Variants in PCDH15 observed in about 807,000 individuals in gnomAD.
The protein encoded by PCDH15 is protocadherin-15.
Under a neutral mutation model 178.5 loss-of-function variants are expected in PCDH15, and 129 were observed. That is an observed-to-expected ratio of 0.72 (90% CI 0.63 to 0.84). The LOEUF (loss-of-function observed/expected upper bound fraction) is 0.84. Ranked by LOEUF, PCDH15 falls within the 40% of genes least tolerant of loss-of-function variation. The pLI is 0.00. For synonymous variants in PCDH15, 800 were observed against 732.0 expected, an observed-to-expected ratio of 1.09 and a Z score of -1.50; for missense variants, 2,230 against 2,099.9, an observed-to-expected ratio of 1.06 and a Z score of -1.21.
chr10:54,011,476 C>T (rs2092584167), intron 20 of PCDH15, among the ~76,000 whole-genome samples: 1 of 152,186 alleles, frequency 6.6e-6, no homozygotes, highest in East Asian at 1.9e-4. Flanking sequence ...AAAGCCTGAG[C>T]TTGCCCCAGA....
intron 3 of PCDH15, among the ~76,000 whole-genome samples, chr10:54,403,800 T>G (rs73251636): frequency 0.026 from 3,982 of 151,494 alleles, 168 homozygotes; most frequent in African/African-American, 0.089. Flanking sequence ...ACCAATAACA[T>G]TCAAGGATCC....
chr10:53,885,472 A>C (rs566603197), intron 26 of PCDH15, among the ~76,000 whole-genome samples: 1 of 152,216 alleles, frequency 6.6e-6, no homozygotes, highest in East Asian at 1.9e-4. Flanking sequence ...AGACTGTTTG[A>C]AGTGTTTCCA....
chr10:54,508,615 A>ATGGCAC (rs2081369012), intron 3 of PCDH15, among the ~76,000 whole-genome samples: 2 of 152,286 alleles, frequency 1.3e-5, no homozygotes, highest in South Asian at 4.1e-4. Flanking sequence ...TTCATTGAAT[A>ATGGCAC]TGGCACTGAA....
At chr10:55,348,807 A>G (rs1588941553) in intron 2 of PCDH15, among the ~76,000 whole-genome samples, 1 of 152,150 alleles carries the variant, frequency 6.6e-6, no homozygotes, top group Admixed American at 6.6e-5. Flanking sequence ...AAAGAATGGT[A>G]TCAAGGGCCA....
intron 3 of PCDH15, among the ~76,000 whole-genome samples, chr10:54,834,360 G>A (rs1953276938): frequency 1.3e-5 from 2 of 151,804 alleles, no homozygotes; most frequent in South Asian, 4.2e-4. Context: ...TGTATTTTTA[G>A]TAGAGACGGG....
chr10:53,886,439 C>T (rs1157927560), intron 26 of PCDH15, among the ~76,000 whole-genome samples: 5 of 152,002 alleles, frequency 3.3e-5, no homozygotes, highest in African/African-American at 7.3e-5. Flanking sequence ...ATTCATTAAC[C>T]TTTCTTTCAC....
chr10:55,552,675 C>G (rs1842023517), intron 2 of PCDH15, among the ~76,000 whole-genome samples: 2 of 151,082 alleles, frequency 1.3e-5, no homozygotes, highest in African/African-American at 2.4e-5. Flanking sequence ...TGAATGCATT[C>G]TTTTAAATTT....
chr10:53,974,350 G>A (rs1267677936), intron 21 of PCDH15, among the ~76,000 whole-genome samples: 2 of 151,916 alleles, frequency 1.3e-5, no homozygotes, highest in African/African-American at 4.8e-5. Context: ...ATCTCTAGGG[G>A]CTTTTTGTTT....
chr10:54,572,002 T>G (rs1003667790), intron 2 of PCDH15, among the ~76,000 whole-genome samples: 4 of 152,046 alleles, frequency 2.6e-5, no homozygotes, highest in African/African-American at 9.7e-5. Context: ...AAAACCATAT[T>G]TGGGGATTTG....
intron 1 of PCDH15, among the ~76,000 whole-genome samples, chr10:55,255,465 C>T (rs182857585): frequency 1.3e-4 from 20 of 152,276 alleles, no homozygotes; most frequent in African/African-American, 4.8e-4. Flanking sequence ...TGGGTATATA[C>T]CCCGTAATGG....
At chr10:54,633,679 C>T (rs944527817) in intron 2 of PCDH15, among the ~76,000 whole-genome samples, 9 of 152,062 alleles carry the variant, frequency 5.9e-5, no homozygotes, top group Non-Finnish European at 1.2e-4. Context: ...GTCCTCCCCA[C>T]ACAAACACTG....
intron 2 of PCDH15, among the ~76,000 whole-genome samples, chr10:55,566,562 A>C (rs554761136): frequency 6.6e-6 from 1 of 151,888 alleles, no homozygotes; most frequent in African/African-American, 2.4e-5. Flanking sequence ...TTTATAGAAA[A>C]CGCTGAAAAT....
At chr10:54,851,903 A>T (rs981453992) in intron 3 of PCDH15, among the ~76,000 whole-genome samples, 4 of 152,168 alleles carry the variant, frequency 2.6e-5, no homozygotes, top group African/African-American at 9.7e-5. Flanking sequence ...AATTTTGGTA[A>T]TAAAAATAAA....
At chr10:55,429,011 C>CAATTA (rs1838822254) in intron 2 of PCDH15, among the ~76,000 whole-genome samples, 5 of 152,028 alleles carry the variant, frequency 3.3e-5, no homozygotes, top group Non-Finnish European at 7.4e-5. Flanking sequence ...ATTTTCTCCT[C>CAATTA]TCCAGGCTTT....
rs199891803 is a variant in PCDH15 at position 55,028,779 on chromosome 10, T to A, written c.-79-131279A>T. 9.2e-5 allele frequency among the ~76,000 whole-genome samples: 14 copies of A among 152,158 alleles called. No homozygotes were observed. The East Asian group carries it at 2.7e-3, about 29-fold the overall frequency. On this transcript the variant is annotated intron_variant, in intron 2 of 5. Coordinates refer to the PCDH15 transcript ENST00000458638. ...TTTTCAGCCTGTTTTTGTCTGGTGT[T>A]GTAAGCTACACGAAACTTTTAAAGA...
At chr10:55,534,066 T>A (rs1325177049) in intron 2 of PCDH15, among the ~76,000 whole-genome samples, 1 of 152,078 alleles carries the variant, frequency 6.6e-6, no homozygotes, top group Non-Finnish European at 1.5e-5. Flanking sequence ...CTTTTCACCA[T>A]ATACAAAAAT....
chr10:54,578,620 T>C (rs1208077376), intron 2 of PCDH15, among the ~76,000 whole-genome samples: 1 of 152,156 alleles, frequency 6.6e-6, no homozygotes, highest in Non-Finnish European at 1.5e-5. Flanking sequence ...CAAAAATATA[T>C]AATAAAAATG....
intron 2 of PCDH15, among the ~76,000 whole-genome samples, chr10:55,456,284 T>C (rs539996413): frequency 6.6e-6 from 1 of 152,110 alleles, no homozygotes; most frequent in Non-Finnish European, 1.5e-5. Flanking sequence ...ATATTCATAG[T>C]AGTTACCTAT....
At chr10:53,898,453 G>T (rs945624305) in intron 26 of PCDH15, among the ~76,000 whole-genome samples, 1 of 151,942 alleles carries the variant, frequency 6.6e-6, no homozygotes, top group Non-Finnish European at 1.5e-5. Flanking sequence ...TTTTCTTTTC[G>T]CACTCCTCAT....
Sources: allele counts gnomAD v4.1 joint callset (sites outside exome capture counted in the v4.1 genomes callset), GRCh38; gene constraint gnomAD v4.1.1; transcripts MANE v1.5; gene names NCBI Gene and HGNC (gene_info 2026-07-23, HGNC 2026-07-21).